AMPD3: variants seen among roughly 807,000 people sequenced by gnomAD.
The protein encoded by AMPD3 is AMP deaminase 3.
A neutral mutation model predicts 82.3 loss-of-function variants in AMPD3; 57 were observed. That is an observed-to-expected ratio of 0.69 (90% confidence interval 0.56 to 0.86). AMPD3 has a LOEUF of 0.86. Among genes scored for constraint, AMPD3 ranks in the 40% least tolerant of loss-of-function variants. The probability of loss-of-function intolerance (pLI) is 0.00; values close to 1 mark genes in which losing one functional copy is unlikely to be tolerated. For synonymous variants in AMPD3, 381 were observed against 394.7 expected, an observed-to-expected ratio of 0.97 and a Z score of 0.41; for missense variants, 870 against 1,003.8, an observed-to-expected ratio of 0.87 and a Z score of 1.80.
chr11:10,452,536 C>G (rs1184546735), upstream of AMPD3, among the ~76,000 whole-genome samples: 1 of 151,926 alleles, frequency 6.6e-6, no homozygotes, highest in Admixed American at 6.6e-5. Context: ...TCCTCCTGAT[C>G]TGGCTTCACA....
At chr11:10,500,336 A>T in intron 11 of AMPD3, 87 bp downstream of exon 11, 1 of 1,504,494 alleles carries the variant, frequency 6.6e-7, no homozygotes, top group Non-Finnish European at 9.2e-7. Context: ...CATGCATGTG[A>T]TCCTTGTGTC....
intron 2 of AMPD3, among the ~76,000 whole-genome samples, chr11:10,467,490 C>T (rs1323905550): frequency 6.6e-6 from 1 of 152,080 alleles, no homozygotes; most frequent in East Asian, 1.9e-4. Flanking sequence ...AAGGAATGAA[C>T]AAAGCCTCCA....
At position 10,494,943 on chromosome 11, in the gene AMPD3, C is replaced by T; in HGVS notation, c.1179C>T (p.Tyr393=). The change falls in exon 8 of 15, where the codon TAC becomes TAT. Residue 393 remains tyrosine (Y), a synonymous_variant. Coordinates refer to ENST00000396553, the MANE Select transcript of AMPD3 (RefSeq NM_001025389.2). Reference sequence around the variant, plus strand: ...GCTTTGACAAGTTCAACTCCAAATACAACCCTGTGGGGGCCAGTGAGCTGC... The same window carrying T: ...GCTTTGACAAGTTCAACTCCAAATATAACCCTGTGGGGGCCAGTGAGCTGC... ...FHRFDKFNSK[Y]NPVGASELRD... 2 of 1,614,246 alleles carry T rather than the reference C, an allele frequency of 1.2e-6. No individual in the cohort carries two copies. Among genetic ancestry groups the T allele is most frequent in the South Asian group, 1.1e-5 (1 of 91,086 alleles).
chr11:10,499,200 C>G (rs1323034430), intron 10 of AMPD3: 4 of 152,910 alleles, frequency 2.6e-5, no homozygotes, highest in African/African-American at 7.2e-5. Context: ...AGACCCAGAG[C>G]CCAGAACCTG....
At chr11:10,477,534 C>T (rs975521970) in intron 2 of AMPD3, among the ~76,000 whole-genome samples, 2 of 152,176 alleles carry the variant, frequency 1.3e-5, no homozygotes, top group African/African-American at 4.8e-5. Flanking sequence ...AGAGTCATCA[C>T]AAATCAGCCT....
At chr11:10,497,455 G>A (rs983798898) in intron 10 of AMPD3, 2 of 390,192 alleles carry the variant, frequency 5.1e-6, no homozygotes, top group African/African-American at 2.2e-5. Context: ...TAACCAGGGA[G>A]GGAGGCGGAG....
chr11:10,500,658 C>A, intron 11 of AMPD3: 1 of 985,476 alleles, frequency 1.0e-6, no homozygotes, highest in Non-Finnish European at 1.2e-6. Flanking sequence ...CCAACAATGT[C>A]CACACGTGCA....
rs1848930880 is a variant in AMPD3, at chr11:10,482,219, C to T, written c.583C>T (p.Leu195Phe). The T allele has an allele frequency of 6.2e-7, 1 of 1,611,706 alleles. No homozygotes were observed. The highest frequency in any genetic ancestry group is 8.5e-7 in the Non-Finnish European group (1 of 1,179,364). Residue 195 changes from leucine (L) to phenylalanine (F), a missense_variant, in exon 4 of 15, where the codon CTT becomes TTT. Coordinates refer to ENST00000396553, the MANE Select transcript of AMPD3 (RefSeq NM_001025389.2). Reference protein sequence around the residue: ...RADTAPPEEGLPDFHPPPLPQ... With the variant: ...RADTAPPEEGFPDFHPPPLPQ... ...GGATACTGCACCTCCGGAAGAGGGC[C>T]TTCCAGGTATGGAGCTCTGGCTGGA...
Position 10,495,569 on chromosome 11 carries a change from G to A in AMPD3, c.1267-1G>A. On this transcript the variant is annotated splice_acceptor_variant, in intron 8 of 14. Transcript: ENST00000396553. LOFTEE classifies it high-confidence loss of function. ...GCTGACCCAAGCTCTTCTTGTGCCA[G>A]GAGGTTGCCCGGGAGCTGGAGGAGA... 1 of 1,612,780 alleles carries A rather than the reference G, an allele frequency of 6.2e-7. No individual in the cohort carries two copies. The highest frequency in any genetic ancestry group is 8.5e-7 in the Non-Finnish European group (1 of 1,180,030).
At chr11:10,490,129 G>A (rs995488768) in intron 6 of AMPD3, among the ~76,000 whole-genome samples, 2 of 152,184 alleles carry the variant, frequency 1.3e-5, no homozygotes, top group Admixed American at 6.5e-5. Flanking sequence ...GAGCTGCGAC[G>A]TGGCCGTGGA....
chr11:10,501,557 T>A lies in AMPD3; in HGVS notation c.1809T>A (p.Ala603=). The part of the protein sequence containing the change: ...ITHLVSAFLT[A]DNISHGLLLK... ...ACCTGGTGTCTGCCTTCCTCACTGC[T>A]GACAACATTTCCCACGGGCTGCTCC... The change falls in exon 12 of 15, where the codon GCT becomes GCA. Residue 603 remains alanine, a synonymous_variant. Coordinates refer to ENST00000396553, the MANE Select transcript of AMPD3 (RefSeq NM_001025389.2). 1 of 1,614,180 alleles carries A rather than the reference T, an allele frequency of 6.2e-7. No individual in the cohort carries two copies. The highest frequency in any genetic ancestry group is 1.1e-5 in the South Asian group (1 of 91,084).
Position 10,482,134 on chromosome 11 carries a change from G to A in AMPD3, c.498G>A (p.Ala166=), listed in dbSNP as rs147701905. Residue 166 remains alanine (A), a synonymous_variant, in exon 4 of 15, where the codon GCG becomes GCA. Coordinates refer to ENST00000396553, the MANE Select transcript of AMPD3 (RefSeq NM_001025389.2). Reference sequence around the variant, plus strand: ...CCCTAATGATCCGGGAGAAGTATGCGCGGCTCGCCTACCACCGCTTCCCGC... The same window carrying A: ...CCCTAATGATCCGGGAGAAGTATGCACGGCTCGCCTACCACCGCTTCCCGC... The part of the protein sequence containing the change: ...AKALMIREKY[A]RLAYHRFPRI... 7.1e-5 allele frequency: 115 copies of A among 1,614,150 alleles called. No individual in the cohort carries two copies. The African/African-American group carries it at 8.7e-4, about 12-fold the overall frequency.
At chr11:10,500,305 A>T in intron 11 of AMPD3, 56 bp downstream of exon 11, 2 of 1,557,342 alleles carry the variant, frequency 1.3e-6, no homozygotes, top group East Asian at 4.5e-5. Flanking sequence ...ACATGCACGC[A>T]TGCACACACA....
At position 10,456,935 on chromosome 11, in the gene AMPD3, A is replaced by T. The variant is rs1848110746; in HGVS notation, c.-6+1487A>T. 6.7e-6 allele frequency among the ~76,000 whole-genome samples: 1 copy of T among 150,300 alleles called. No individual in the cohort carries two copies. Among genetic ancestry groups the T allele is most frequent in the Non-Finnish European group, 1.5e-5 (1 of 67,704 alleles). Reference sequence around the variant, plus strand: ...AGTGGGTTACTTGGTCCATACTAAGATATGGAATTAATTATTTTGTTGTGG... The same window carrying T: ...AGTGGGTTACTTGGTCCATACTAAGTTATGGAATTAATTATTTTGTTGTGG... On this transcript the variant is annotated intron_variant, in intron 1 of 14. Coordinates refer to ENST00000396553, the MANE Select transcript of AMPD3 (RefSeq NM_001025389.2). The surrounding 1 kb of genome is among the most constrained non-coding windows in gnomAD (Gnocchi z 4.3).
At chr11:10,454,001 G>A (rs1405012239), upstream of AMPD3, among the ~76,000 whole-genome samples, 3 of 152,140 alleles carry the variant, frequency 2.0e-5, no homozygotes, top group Admixed American at 6.6e-5. Flanking sequence ...AGGAGAAGCG[G>A]GCCCTGTATC....
At chr11:10,467,843 A>G (rs893559133) in intron 2 of AMPD3, among the ~76,000 whole-genome samples, 1 of 152,258 alleles carries the variant, frequency 6.6e-6, no homozygotes, top group African/African-American at 2.4e-5. Context: ...ACAAGCCAGA[A>G]GAGAGTGGGG....
chr11:10,501,365 A>T, intron 11 of AMPD3, 105 bp from the exon 12 acceptor site: 1 of 1,539,704 alleles, frequency 6.5e-7, no homozygotes. Context: ...ACAGCTGACC[A>T]TGGGTGGTCA....
chr11:10,493,209 G>A (rs1849289643), intron 6 of AMPD3, 140 bp from the exon 7 acceptor site: 2 of 939,786 alleles, frequency 2.1e-6, no homozygotes, highest in Non-Finnish European at 3.4e-6. Context: ...AGAAATGGGG[G>A]GTGGGATCCA....
At chr11:10,491,775 AGGTTT>A (rs1263602060) in intron 6 of AMPD3, among the ~76,000 whole-genome samples, 1 of 152,208 alleles carries the variant, frequency 6.6e-6, no homozygotes, top group Non-Finnish European at 1.5e-5. Context: ...GGAGAAAATC[AGGTTT>A]GGGCTGGGGT....
Sources: allele counts gnomAD v4.1 joint callset (sites outside exome capture counted in the v4.1 genomes callset), GRCh38; gene constraint gnomAD v4.1.1; non-coding constraint Gnocchi (gnomAD v3.1); transcripts MANE v1.5; gene names NCBI Gene and HGNC (gene_info 2026-07-23, HGNC 2026-07-21).